HS2ST1: variants seen among roughly 807,000 people sequenced by gnomAD.
The protein encoded by HS2ST1 is 2-O-sulfotransferase.
HS2ST1 carries 18 observed loss-of-function variants against 42.9 expected under a neutral mutation model. The observed-to-expected ratio is 0.42, with a 90% CI of 0.29 to 0.62. The LOEUF (loss-of-function observed/expected upper bound fraction) is 0.62, where lower values mean the gene tolerates loss of function less well. Among genes scored for constraint, HS2ST1 ranks in the 20% least tolerant of loss-of-function variants. The pLI, the probability that HS2ST1 is intolerant of heterozygous loss-of-function variation, is 0.21. For missense variants in HS2ST1, 334 were observed against 433.8 expected (o/e 0.77, Z 2.04); for synonymous variants, 146 against 152.9 (o/e 0.95, Z 0.33).
At chr1:87,004,951 A>C (rs931197599) in intron 1 of HS2ST1, among the ~76,000 whole-genome samples, 3 of 152,242 alleles carry the variant, frequency 2.0e-5, no homozygotes, top group Non-Finnish European at 4.4e-5. Flanking sequence ...TGGAAATAAT[A>C]GTTTGAATAA....
chr1:87,017,300 C>T (rs113688763), intron 1 of HS2ST1, among the ~76,000 whole-genome samples: 5,581 of 152,164 alleles, frequency 0.037, 112 homozygotes, highest in Middle Eastern at 0.065. Context: ...CCATGTCCAG[C>T]TAATTTTTGT....
At chr1:86,991,976 G>A (rs569926878) in intron 1 of HS2ST1, among the ~76,000 whole-genome samples, 2 of 152,260 alleles carry the variant, frequency 1.3e-5, no homozygotes, top group African/African-American at 2.4e-5. Flanking sequence ...GTTAGGAACC[G>A]GGCTGCACAG....
At chr1:87,098,235 G>C in intron 5 of HS2ST1, 1 of 958,014 alleles carries the variant, frequency 1.0e-6, no homozygotes, top group Non-Finnish European at 1.2e-6. Context: ...GGGTGGGGGT[G>C]GGTGTCATAA....
chr1:87,014,086 T>G (rs1002234065), intron 1 of HS2ST1, among the ~76,000 whole-genome samples: 1 of 152,194 alleles, frequency 6.6e-6, no homozygotes, highest in Non-Finnish European at 1.5e-5. Context: ...TTACCCACTT[T>G]CAAAGTAGCT....
chr1:87,076,572 A>G (rs1176787076), intron 2 of HS2ST1, among the ~76,000 whole-genome samples: 1 of 152,186 alleles, frequency 6.6e-6, no homozygotes, highest in Non-Finnish European at 1.5e-5. Context: ...TTGAGAATAT[A>G]AGGTATGAGA....
At chr1:87,002,622 AAG>A (rs1448768082) in intron 1 of HS2ST1, among the ~76,000 whole-genome samples, 5 of 151,660 alleles carry the variant, frequency 3.3e-5, no homozygotes, top group Admixed American at 6.5e-5. Context: ...AAAAAAAAAA[AAG>A]AAAAAGAAAA....
At chr1:87,045,771 T>TTA in intron 1 of HS2ST1, 3 of 915,698 alleles carry the variant, frequency 3.3e-6, no homozygotes, top group Non-Finnish European at 5.4e-6. Context: ...CATCCTGAGG[T>TTA]TTGTAGCAGA....
Position 87,084,277 on chromosome 1 carries a change from A to C in HS2ST1, c.447A>C (p.Ala149=), listed in dbSNP as rs200505827. Residue 149 remains alanine, a splice_region_variant and synonymous_variant, in exon 3 of 7, where the codon GCA becomes GCC. Coordinates refer to ENST00000370550, the MANE Select transcript of HS2ST1 (RefSeq NM_012262.4). ...GACACGTTTCTTACTTGGATTTTGC[A>C]AAGTAAGTTACACTGAAATGACACG... ...YHGHVSYLDF[A]KFGVKKKPIY... is the part of the protein sequence containing the mutation. 8 of 1,570,646 alleles carry C rather than the reference A, an allele frequency of 5.1e-6. No homozygotes were observed. Among genetic ancestry groups the C allele is most frequent in the Middle Eastern group, 1.7e-4 (1 of 5,962 alleles).
chr1:87,062,819 T>C (rs970255243), intron 1 of HS2ST1, among the ~76,000 whole-genome samples: 1 of 152,312 alleles, frequency 6.6e-6, no homozygotes, highest in African/African-American at 2.4e-5. Context: ...GATTATTTTA[T>C]TTCAGCACTT....
At chr1:87,047,989 T>C (rs571964714) in intron 1 of HS2ST1, among the ~76,000 whole-genome samples, 1 of 152,322 alleles carries the variant, frequency 6.6e-6, no homozygotes, top group South Asian at 2.1e-4. Flanking sequence ...GGGATTTTGA[T>C]TGGGATTGCA....
chr1:87,037,581 T>G (rs549223908), intron 1 of HS2ST1, among the ~76,000 whole-genome samples: 216 of 151,494 alleles, frequency 1.4e-3, no homozygotes, highest in South Asian at 3.7e-3. Context: ...AAATAGAATA[T>G]TTCAAATAAA....
chr1:87,027,486 A>G (rs1650117578), intron 1 of HS2ST1, among the ~76,000 whole-genome samples: 1 of 152,214 alleles, frequency 6.6e-6, no homozygotes, highest in Non-Finnish European at 1.5e-5. Flanking sequence ...CAGCAGATCA[A>G]AATAGGTGGT....
chr1:87,073,305 G>A, intron 2 of HS2ST1, 133 bp downstream of exon 2: 1 of 670,960 alleles, frequency 1.5e-6, no homozygotes, highest in South Asian at 1.9e-5. Context: ...TTAGGGGAGA[G>A]GGCCAGCTAA....
At chr1:86,982,517 C>T (rs1648625054) in intron 1 of HS2ST1, among the ~76,000 whole-genome samples, 1 of 151,974 alleles carries the variant, frequency 6.6e-6, no homozygotes, top group Non-Finnish European at 1.5e-5. Flanking sequence ...CATGTCACCC[C>T]ATTTTTGTTT....
rs374331906 is a variant in HS2ST1, at chr1:87,054,537, T to A, written c.125-18397T>A. 5.9e-5 allele frequency among the ~76,000 whole-genome samples: 9 copies of A among 152,328 alleles called. No individual in the cohort carries two copies. The South Asian group carries it at 1.9e-3, about 32-fold the overall frequency. On this transcript the variant is annotated intron_variant, in intron 1 of 6. Transcript: ENST00000370550. ...CAGTAATGTCATACTTTATCACTTG[T>A]GAACCTGCTTTATGTGCCTGTGTGA...
chr1:87,017,737 TATTTTTG>T (rs900641700), intron 1 of HS2ST1, among the ~76,000 whole-genome samples: 27 of 152,296 alleles, frequency 1.8e-4, no homozygotes, highest in African/African-American at 6.5e-4. Context: ...TTTGCTTTTT[TATTTTTG>T]ATTTTTGATA....
At chr1:86,957,877 C>G (rs1267101740) in intron 1 of HS2ST1, among the ~76,000 whole-genome samples, 2 of 149,512 alleles carry the variant, frequency 1.3e-5, no homozygotes, top group African/African-American at 4.9e-5. Context: ...TCACTGCAAA[C>G]TCTGCCTCCC....
At chr1:86,969,754 A>C (rs1302132555) in intron 1 of HS2ST1, among the ~76,000 whole-genome samples, 2 of 151,378 alleles carry the variant, frequency 1.3e-5, no homozygotes, top group Non-Finnish European at 2.9e-5. Flanking sequence ...AAATATCTTA[A>C]TTAAGAGTTG....
At chr1:86,927,869 A>G (rs1293062916) in intron 1 of HS2ST1, among the ~76,000 whole-genome samples, 2 of 152,154 alleles carry the variant, frequency 1.3e-5, no homozygotes, top group Non-Finnish European at 2.9e-5. Flanking sequence ...GAAGCAAAAC[A>G]CTATAGGAAA....
Sources: allele counts gnomAD v4.1 joint callset (sites outside exome capture counted in the v4.1 genomes callset), GRCh38; gene constraint gnomAD v4.1.1; transcripts MANE v1.5; gene names NCBI Gene and HGNC (gene_info 2026-07-23, HGNC 2026-07-21).